CLOCK: variants seen among roughly 807,000 people sequenced by gnomAD.
CLOCK encodes the protein clock circadian regulator, also known as circadian locomoter output cycles protein kaput.
Under a neutral mutation model 118.4 loss-of-function variants are expected in CLOCK, and 43 were observed. That is an observed-to-expected ratio of 0.36 (90% CI 0.28 to 0.47). CLOCK has a LOEUF of 0.47. Among genes scored for constraint, CLOCK ranks in the 20% least tolerant of loss-of-function variants. The probability of loss-of-function intolerance (pLI) is 1.00; values close to 1 mark genes in which losing one functional copy is unlikely to be tolerated. For synonymous variants in CLOCK, 326 were observed against 339.2 expected, an observed-to-expected ratio of 0.96 and a Z score of 0.43; for missense variants, 846 against 999.9, an observed-to-expected ratio of 0.85 and a Z score of 2.08.
At chr4:55,518,900 TCCCA>T (rs1729681640) in intron 1 of CLOCK, among the ~76,000 whole-genome samples, 3 of 152,158 alleles carry the variant, frequency 2.0e-5, no homozygotes, top group Non-Finnish European at 4.4e-5. Flanking sequence ...TGACACTGAA[TCCCA>T]GATCATCAAT....
intron 2 of CLOCK, among the ~76,000 whole-genome samples, chr4:55,505,417 G>A (rs943560475): frequency 9.2e-5 from 14 of 151,926 alleles, no homozygotes; most frequent in Admixed American, 2.0e-4. Flanking sequence ...TAATCCCAGC[G>A]CTTTGGGAGG....
rs575737744 is a variant in CLOCK at position 55,431,029 on chromosome 4, A to G, written c.*4386T>C. On this transcript the variant is annotated 3_prime_UTR_variant, in exon 23 of 23. Coordinates refer to ENST00000513440, the MANE Select transcript of CLOCK (RefSeq NM_004898.4). Reference sequence around the variant, plus strand: ...TCATTTTATATAATTTCACCTAAGTAAGTGATGATTTGGGGATCCTTTAGA... The same window carrying G: ...TCATTTTATATAATTTCACCTAAGTGAGTGATGATTTGGGGATCCTTTAGA... 14 of 152,350 alleles carry G rather than the reference A, an allele frequency of 9.2e-5. No homozygotes were observed. The South Asian group carries it at 2.9e-3, about 32-fold the overall frequency. 9.4% of individuals were successfully genotyped at this position (152,350 alleles called of 1,614,324 possible). A position where few individuals can be genotyped will look rare whatever the true frequency, so the allele number is the denominator to read the frequency against.
At chr4:55,501,507 T>G (rs1201346097) in intron 2 of CLOCK, 1 of 146,724 alleles carries the variant, frequency 6.8e-6, no homozygotes, top group African/African-American at 2.4e-5. Flanking sequence ...AACCTCAAAC[T>G]CCTAGGCTCA....
At chr4:55,488,889 T>C (rs1727485190) in intron 3 of CLOCK, among the ~76,000 whole-genome samples, 1 of 152,088 alleles carries the variant, frequency 6.6e-6, no homozygotes, top group Admixed American at 6.6e-5. Context: ...TACGTCATCA[T>C]GCCCAGCTAA....
In CLOCK at chr4:55,478,912, G is replaced by A. The variant is rs775420110; in HGVS notation, c.159C>T (p.Leu53=). Residue 53 remains leucine, a synonymous_variant, in exon 6 of 23, where the codon CTC becomes CTT. Transcript: ENST00000513440. ...GAAGCATGGATCCCAGTTCTTTAAT[G>A]AGAACATTAAATTGATCTCTACGTT... is the stretch of plus-strand genomic sequence containing the variant. ...EKKRRDQFNV[L]IKELGSMLPG... 2 of 1,607,824 alleles carry A rather than the reference G, an allele frequency of 1.2e-6. No homozygotes were observed. The highest frequency in any genetic ancestry group is 1.7e-6 in the Non-Finnish European group (2 of 1,175,872).
At chr4:55,527,514 C>G (rs1189266735) in intron 1 of CLOCK, among the ~76,000 whole-genome samples, 1 of 151,660 alleles carries the variant, frequency 6.6e-6, no homozygotes, top group Non-Finnish European at 1.5e-5. Flanking sequence ...CAAATAATAC[C>G]TTTTTTAAAA....
At chr4:55,443,157 T>G (rs2109687463) in intron 20 of CLOCK, among the ~76,000 whole-genome samples, 1 of 152,264 alleles carries the variant, frequency 6.6e-6, no homozygotes, top group East Asian at 1.9e-4. Context: ...ACTACTAGAC[T>G]ACATCTTTAA....
chr4:55,503,197 G>A (rs28375674), intron 2 of CLOCK, among the ~76,000 whole-genome samples: 2,290 of 152,282 alleles, frequency 0.015, 62 homozygotes, highest in African/African-American at 0.053. Flanking sequence ...ACACGCTCAA[G>A]AATGTTCACA....
chr4:55,486,491 G>A (rs1212319522), intron 3 of CLOCK: 2 of 152,092 alleles, frequency 1.3e-5, no homozygotes, highest in Non-Finnish European at 2.9e-5. Flanking sequence ...TGTATCCTAT[G>A]CCTTCATCTT....
chr4:55,468,240 G>A (rs1171188515), intron 8 of CLOCK, among the ~76,000 whole-genome samples: 1 of 152,072 alleles, frequency 6.6e-6, no homozygotes, highest in Non-Finnish European at 1.5e-5. Context: ...CATTAAAGGT[G>A]TGAGCCACTG....
At chr4:55,446,100 TC>T (rs1273704686) in intron 18 of CLOCK, among the ~76,000 whole-genome samples, 3 of 95,264 alleles carry the variant, frequency 3.1e-5, no homozygotes, top group Non-Finnish European at 6.3e-5. Context: ...AAATTTAACT[TC>T]TTTTTTTTTT....
chr4:55,522,772 T>C (rs1729926308), intron 1 of CLOCK, among the ~76,000 whole-genome samples: 1 of 152,146 alleles, frequency 6.6e-6, no homozygotes, highest in African/African-American at 2.4e-5. Context: ...ATATACAACA[T>C]ACAAACATGC....
intron 2 of CLOCK, among the ~76,000 whole-genome samples, chr4:55,490,211 G>A (rs146336580): frequency 1.3e-5 from 2 of 152,056 alleles, no homozygotes; most frequent in Non-Finnish European, 2.9e-5. Flanking sequence ...GCAGCCTAAA[G>A]AGTATAAGTG....
chr4:55,539,237 AAACAAC>A (rs140703422), intron 1 of CLOCK, among the ~76,000 whole-genome samples: 14 of 108,872 alleles, frequency 1.3e-4, no homozygotes, highest in South Asian at 4.8e-4. Context: ...TGTCTCAAAA[AAACAAC>A]AACAACAACA....
rs770663970 is a variant in CLOCK, at chr4:55,459,240, C to A, written c.581G>T (p.Cys194Phe). 1.9e-6 allele frequency: 3 copies of A among 1,609,474 alleles called. No homozygotes were observed. The highest frequency in any genetic ancestry group is 2.6e-6 in the Non-Finnish European group (3 of 1,175,988). ...TATTGTTCCTCGCAGCATGTGACAA[C>A]AGAATTCTAACTGATTTTTTGCTGA... is the stretch of plus-strand genomic sequence containing the variant. ...YLKSKNQLEF[C>F]CHMLRGTIDP... The change falls in exon 10 of 23, where the codon TGT (cysteine) becomes TTT (phenylalanine). Residue 194 changes from cysteine (C) to phenylalanine (F), a missense_variant. Transcript: ENST00000513440.
intron 21 of CLOCK, among the ~76,000 whole-genome samples, chr4:55,439,845 G>A (rs1380449663): frequency 1.3e-5 from 2 of 152,136 alleles, no homozygotes; most frequent in African/African-American, 4.8e-5. Context: ...TGGTTGGGGA[G>A]AGAAGAATGG....
chr4:55,514,928 T>A (rs1560470328), intron 1 of CLOCK, among the ~76,000 whole-genome samples: 1 of 152,224 alleles, frequency 6.6e-6, no homozygotes, highest in Non-Finnish European at 1.5e-5. Flanking sequence ...TCTGCTTCTG[T>A]CTTGCAAAAG....
At chr4:55,456,964 GCCAAAATGCAGGC>G (rs547150717) in intron 11 of CLOCK, among the ~76,000 whole-genome samples, 80 of 152,310 alleles carry the variant, frequency 5.3e-4, no homozygotes, top group Non-Finnish European at 9.3e-4. Flanking sequence ...CTAGGCATAA[GCCAAAATGCAGGC>G]CCTTCTAAAC....
At chr4:55,538,472 T>C (rs1731047829) in intron 1 of CLOCK, among the ~76,000 whole-genome samples, 2 of 152,174 alleles carry the variant, frequency 1.3e-5, no homozygotes, top group South Asian at 4.1e-4. Flanking sequence ...AAGATTATTT[T>C]GACAAAAAGA....
Sources: allele counts gnomAD v4.1 joint callset (sites outside exome capture counted in the v4.1 genomes callset), GRCh38; gene constraint gnomAD v4.1.1; transcripts MANE v1.5; gene names NCBI Gene and HGNC (gene_info 2026-07-23, HGNC 2026-07-21).